Variants in DCDC2 observed in about 807,000 individuals in gnomAD.
DCDC2 encodes doublecortin domain-containing protein 2.
DCDC2 carries 40 observed loss-of-function variants against 50.2 expected under a neutral mutation model. The observed-to-expected ratio is 0.80, with a 90% CI of 0.62 to 1.04. DCDC2 has a LOEUF of 1.04. Ranked by LOEUF, DCDC2 falls within the 50% of genes least tolerant of loss-of-function variation. DCDC2 has a pLI of 0.00. For synonymous variants in DCDC2, 234 were observed against 210.6 expected, an observed-to-expected ratio of 1.11 and a Z score of -0.96; for missense variants, 570 against 581.9, an observed-to-expected ratio of 0.98 and a Z score of 0.21.
At chr6:24,202,565 AC>A (rs1413047272) in intron 8 of DCDC2, among the ~76,000 whole-genome samples, 2 of 152,202 alleles carry the variant, frequency 1.3e-5, no homozygotes, top group Non-Finnish European at 2.9e-5. Context: ...CCCTTTGAAA[AC>A]TGGCACAGAT....
upstream of DCDC2, among the ~76,000 whole-genome samples, chr6:24,358,824 A>ATAT (rs1760542975): frequency 5.6e-5 from 3 of 53,178 alleles, no homozygotes; most frequent in African/African-American, 3.3e-4. Context: ...AAATATATAT[A>ATAT]TTATATTTAT....
intron 2 of DCDC2, among the ~76,000 whole-genome samples, chr6:24,338,708 G>A (rs1001875751): frequency 1.3e-5 from 2 of 152,156 alleles, no homozygotes; most frequent in African/African-American, 4.8e-5. Flanking sequence ...GCAATGGTGT[G>A]ATCCCAGCTC....
At chr6:24,275,781 C>CT (rs564439817) in intron 7 of DCDC2, among the ~76,000 whole-genome samples, 15 of 151,024 alleles carry the variant, frequency 9.9e-5, no homozygotes, top group African/African-American at 2.4e-4. Flanking sequence ...ATAATAAACA[C>CT]TTTTTTTTAT....
intron 8 of DCDC2, among the ~76,000 whole-genome samples, chr6:24,190,346 G>A (rs548444591): frequency 6.6e-6 from 1 of 152,282 alleles, no homozygotes; most frequent in Non-Finnish European, 1.5e-5. Context: ...ACCTATGAGT[G>A]AGAACATGCG....
At chr6:24,183,372 T>A (rs75497220) in intron 8 of DCDC2, among the ~76,000 whole-genome samples, 2,138 of 152,276 alleles carry the variant, frequency 0.014, 33 homozygotes, top group African/African-American at 0.035. Context: ...GATTACATTC[T>A]GCATCGCTGA....
At chr6:24,376,737 C>CAAA in the DCDC2 span, among the ~76,000 whole-genome samples, 2,167 of 46,522 alleles carry the variant, frequency 0.047, 257 homozygotes, top group African/African-American at 0.16. Context: ...CAGGTATATG[C>CAAA]AAAAAAAAAA....
chr6:24,246,242 T>C (rs1214504657), intron 7 of DCDC2, among the ~76,000 whole-genome samples: 5 of 152,268 alleles, frequency 3.3e-5, no homozygotes, highest in Admixed American at 3.3e-4. Flanking sequence ...AGCTGAATAT[T>C]TTTCCATAAG....
intron 8 of DCDC2, among the ~76,000 whole-genome samples, chr6:24,180,161 T>C (rs936251886): frequency 1.3e-5 from 2 of 152,138 alleles, no homozygotes; most frequent in South Asian, 2.1e-4. Flanking sequence ...TAAAGTGTCA[T>C]AGTTTCTGGC....
At chr6:24,270,908 A>T (rs1342196127) in intron 7 of DCDC2, among the ~76,000 whole-genome samples, 1 of 152,100 alleles carries the variant, frequency 6.6e-6, no homozygotes, top group African/African-American at 2.4e-5. Flanking sequence ...TGCATATTTT[A>T]TCTGTAGTAA....
chr6:24,317,536 T>C (rs1759694114), intron 2 of DCDC2, among the ~76,000 whole-genome samples: 1 of 152,020 alleles, frequency 6.6e-6, no homozygotes, highest in African/African-American at 2.4e-5. Flanking sequence ...AATGAAATCA[T>C]ACAAGTACTA....
intron 8 of DCDC2, among the ~76,000 whole-genome samples, chr6:24,196,799 C>T (rs1319395092): frequency 6.6e-6 from 1 of 152,182 alleles, no homozygotes; most frequent in African/African-American, 2.4e-5. Context: ...CAGTGCCTGG[C>T]ACTCAGTAGT....
chr6:24,373,857 G>A, the DCDC2 span, among the ~76,000 whole-genome samples: 8 of 152,186 alleles, frequency 5.3e-5, no homozygotes, highest in Non-Finnish European at 1.0e-4. Flanking sequence ...AAGTGGGAGG[G>A]AGGAAAAAAG....
rs1240675101 is a variant in DCDC2, at chr6:24,288,837, G to C, written c.759+15C>G. ...AAAATATAGAACATCAACGAGGAAAGCATCTGATACTTACACTCCCTTTAG... is the reference window on the plus strand; with the variant it reads ...AAAATATAGAACATCAACGAGGAAACCATCTGATACTTACACTCCCTTTAG... On this transcript the variant is annotated intron_variant, in intron 6 of 9. Coordinates refer to ENST00000378454, the MANE Select transcript of DCDC2 (RefSeq NM_016356.5). 6.2e-7 allele frequency: 1 copy of C among 1,604,238 alleles called. No homozygotes were observed. The highest frequency in any genetic ancestry group is 8.5e-7 in the Non-Finnish European group (1 of 1,171,328).
At chr6:24,245,172 C>T (rs1010559389) in intron 7 of DCDC2, among the ~76,000 whole-genome samples, 1 of 152,078 alleles carries the variant, frequency 6.6e-6, no homozygotes, top group African/African-American at 2.4e-5. Context: ...CCAGCCTTGG[C>T]GACAGAGGGA....
intron 2 of DCDC2, among the ~76,000 whole-genome samples, chr6:24,328,197 C>A (rs72833015): frequency 0.048 from 7,379 of 152,286 alleles, 196 homozygotes; most frequent in Non-Finnish European, 0.066. Flanking sequence ...TTGCTCAGGT[C>A]ACAGAGTAAT....
chr6:24,350,829 A>G (rs72833036), intron 2 of DCDC2, among the ~76,000 whole-genome samples: 7,430 of 152,242 alleles, frequency 0.049, 247 homozygotes, highest in Non-Finnish European at 0.072. Flanking sequence ...TTCTCAACAC[A>G]TTAATGTTGA....
intron 8 of DCDC2, among the ~76,000 whole-genome samples, chr6:24,200,995 A>G (rs1761574331): frequency 2.6e-5 from 4 of 152,174 alleles, no homozygotes; most frequent in Admixed American, 1.3e-4. Context: ...GAGCACCAAG[A>G]TTCATAAAGC....
intron 8 of DCDC2, among the ~76,000 whole-genome samples, chr6:24,188,091 C>T (rs994413699): frequency 6.6e-6 from 1 of 152,200 alleles, no homozygotes; most frequent in African/African-American, 2.4e-5. Flanking sequence ...AGCCTAGTGG[C>T]TCCAAGACCA....
chr6:24,358,661 G>A (rs1339571554), upstream of DCDC2, among the ~76,000 whole-genome samples: 13 of 136,628 alleles, frequency 9.5e-5, no homozygotes, highest in Non-Finnish European at 1.2e-4. Flanking sequence ...CAGCCTGGGC[G>A]ACACAGCAAG....
Sources: gnomAD v4.1 joint callset for allele counts (sites outside exome capture counted in the v4.1 genomes callset) on GRCh38, gnomAD v4.1.1 for gene constraint, MANE v1.5 for transcripts, NCBI Gene and HGNC (gene_info 2026-07-23, HGNC 2026-07-21) for gene names.